Variants in WDR64 observed in about 807,000 individuals in gnomAD.
WDR64 encodes WD repeat-containing protein 64.
WDR64 carries 112 observed loss-of-function variants against 139.3 expected under a neutral mutation model. The observed-to-expected ratio is 0.80, with a 90% CI of 0.69 to 0.94. The LOEUF (loss-of-function observed/expected upper bound fraction) is 0.94. WDR64 is among the 40% of genes least tolerant of loss of function. The pLI is 0.00. For missense variants in WDR64, 1,206 were observed against 1,293.1 expected (o/e 0.93, Z 1.03); for synonymous variants, 444 against 437.7 (o/e 1.01, Z -0.18).
intron 21 of WDR64, 121 bp downstream of exon 21, chr1:241,775,331 C>T (rs1217563708): frequency 4.3e-6 from 3 of 694,618 alleles, no homozygotes; most frequent in Non-Finnish European, 6.9e-6. Context: ...GAGGTATGCT[C>T]AAGCCTGAGA....
chr1:241,687,597 T>C lies in WDR64; in HGVS notation c.974+2T>C. The C allele has an allele frequency of 6.2e-7, 1 of 1,610,572 alleles. No individual in the cohort carries two copies. Among genetic ancestry groups the C allele is most frequent in the South Asian group, 1.1e-5 (1 of 90,824 alleles). On this transcript the variant is annotated splice_donor_variant, in intron 8 of 27. Coordinates refer to ENST00000437684, the MANE Select transcript of WDR64 (RefSeq NM_001367482.1). LOFTEE classifies it high-confidence loss of function. ...CTTGAAGAGACTCGAGGATAATTTG[T>C]AAGTATAGTAATTTATATACATGAA...
chr1:241,776,678 A>T (rs149077546), intron 21 of WDR64, among the ~76,000 whole-genome samples: 3 of 152,218 alleles, frequency 2.0e-5, no homozygotes, highest in Non-Finnish European at 4.4e-5. Flanking sequence ...AGTTAAGATC[A>T]GTCAAATTTT....
chr1:241,736,393 T>C lies in WDR64; in HGVS notation c.1195-1970T>C, dbSNP rs534164594. Among the ~76,000 whole-genome samples the C allele has an allele frequency of 7.7e-4, 114 of 148,018 alleles. 1 individual carries two copies. The highest frequency in any genetic ancestry group is 7.4e-4 in the Non-Finnish European group (50 of 67,574). On this transcript the variant is annotated intron_variant, in intron 10 of 27. Coordinates refer to ENST00000437684, the MANE Select transcript of WDR64 (RefSeq NM_001367482.1). ...TAGCACTATTCTGACCTGAACTCTT[T>C]AGTTCTCTTTATGGAAGAGTTTAAA...
At chr1:241,708,717 T>TTTTTTTTTTTG (rs1668056133) in intron 8 of WDR64, among the ~76,000 whole-genome samples, 1 of 144,236 alleles carries the variant, frequency 6.9e-6, no homozygotes. Context: ...TTTTTGTTTT[T>TTTTTTTTTTTG]TTTTTTAAGG....
At chr1:241,774,736 C>T (rs1658582343) in intron 20 of WDR64, among the ~76,000 whole-genome samples, 1 of 151,742 alleles carries the variant, frequency 6.6e-6, no homozygotes, top group Non-Finnish European at 1.5e-5. Context: ...TATGTCAATG[C>T]CTGTTTGAGT....
intron 13 of WDR64, 150 bp downstream of exon 13, chr1:241,744,666 G>C: frequency 1.0e-6 from 1 of 969,758 alleles, no homozygotes; most frequent in Middle Eastern, 2.2e-4. Context: ...TGGGTGAATA[G>C]TGGTAGAGTC....
intron 1 of WDR64, among the ~76,000 whole-genome samples, chr1:241,655,036 C>A (rs1558455582): frequency 1.3e-5 from 2 of 152,140 alleles, no homozygotes; most frequent in South Asian, 4.1e-4. Flanking sequence ...ACTCTGTAAC[C>A]TTTCACTATG....
Position 241,772,920 on chromosome 1 carries a change from T to G in WDR64, c.2419T>G (p.Trp807Gly). ...TCATGAGGATGGACACCTCCGCTTG[T>G]GGACTCTGGAGGTAATGGAACCCAG... ...TAHEDGHLRL[W>G]TLEGRLLKDM... Residue 807 changes from tryptophan to glycine, a missense_variant, in exon 20 of 28, where the codon TGG (tryptophan) becomes GGG (glycine). By Grantham distance (184) the Trp-to-Gly change is radical. Transcript: ENST00000437684. 1 of 1,550,898 alleles carries G rather than the reference T, an allele frequency of 6.4e-7. No individual in the cohort carries two copies. The highest frequency in any genetic ancestry group is 8.7e-7 in the Non-Finnish European group (1 of 1,146,558).
Position 241,687,497 on chromosome 1 carries a change from A to C in WDR64, c.876A>C (p.Lys292Asn). 1 of 1,613,980 alleles carries C rather than the reference A, an allele frequency of 6.2e-7. No homozygotes were observed. Among genetic ancestry groups the C allele is most frequent in the Non-Finnish European group, 8.5e-7 (1 of 1,179,954 alleles). Reference protein sequence around the residue: ...KRKLHNDWVMKIRYISALNCF... With the variant: ...KRKLHNDWVMNIRYISALNCF... ...AGCTACATAATGACTGGGTTATGAAAATTAGATATATTTCAGCCCTAAATT... is the reference window on the plus strand; with the variant it reads ...AGCTACATAATGACTGGGTTATGAACATTAGATATATTTCAGCCCTAAATT... Residue 292 changes from lysine (K) to asparagine (N), a missense_variant, in exon 8 of 28, where the codon AAA (lysine) becomes AAC (asparagine). By Grantham distance (94) the Lys-to-Asn change is moderately conservative. Transcript: ENST00000437684.
rs181332707 is a variant in WDR64 at position 241,723,447 on chromosome 1, G to T, written c.1194+11G>T. On this transcript the variant is annotated intron_variant, in intron 10 of 27. Transcript: ENST00000437684. ...CTTTCCTCTGCAAAGGTAACAAAAA[G>T]AAAATAACAAAACAAAACTAGTTTT... The T allele has an allele frequency of 1.2e-6, 2 of 1,611,548 alleles. No individual in the cohort carries two copies. Among genetic ancestry groups the T allele is most frequent in the Admixed American group, 3.4e-5 (2 of 59,574 alleles).
chr1:241,678,627 T>A (rs370924151), intron 5 of WDR64, among the ~76,000 whole-genome samples: 2 of 152,100 alleles, frequency 1.3e-5, no homozygotes, highest in Admixed American at 1.3e-4. Flanking sequence ...GAGTACAATT[T>A]TGTGATTTAT....
intron 13 of WDR64, among the ~76,000 whole-genome samples, chr1:241,749,156 G>A (rs535771185): frequency 4.6e-5 from 7 of 152,252 alleles, no homozygotes; most frequent in African/African-American, 1.7e-4. Flanking sequence ...TTACTGGAAT[G>A]ATCTTTCACT....
chr1:241,656,059 C>T lies in WDR64; in HGVS notation c.145+3430C>T, dbSNP rs1403254140. The stretch of plus-strand genomic sequence containing the variant: ...TAAGAAACTTGCAATCACAAAGCCA[C>T]ACTGAAAATTTCCTTTCTCTATAGT... On this transcript the variant is annotated intron_variant, in intron 1 of 27. Transcript: ENST00000437684. This position sits in a 1 kb window ranked among gnomAD's most constrained non-coding sequence, Gnocchi z 4.3. Among the ~76,000 whole-genome samples the T allele has an allele frequency of 6.6e-6, 1 of 152,184 alleles. No homozygotes were observed. Among genetic ancestry groups the T allele is most frequent in the African/African-American group, 2.4e-5 (1 of 41,436 alleles).
chr1:241,741,300 T>A (rs1292390676), intron 11 of WDR64, among the ~76,000 whole-genome samples: 1 of 152,208 alleles, frequency 6.6e-6, no homozygotes, highest in African/African-American at 2.4e-5. Flanking sequence ...CAGTCCAAAA[T>A]GAATGCTTTT....
intron 10 of WDR64, among the ~76,000 whole-genome samples, chr1:241,726,469 C>T (rs1668844110): frequency 6.6e-6 from 1 of 151,952 alleles, no homozygotes; most frequent in Non-Finnish European, 1.5e-5. Context: ...CAGAACCTTA[C>T]ACTAAAAGCG....
At chr1:241,742,697 T>C (rs1166816291) in intron 12 of WDR64, among the ~76,000 whole-genome samples, 1 of 152,192 alleles carries the variant, frequency 6.6e-6, no homozygotes, top group Non-Finnish European at 1.5e-5. Flanking sequence ...TTTGTTCCTT[T>C]CCTTTCTTCA....
rs542509701 is a variant in WDR64 at position 241,687,884 on chromosome 1, T to C, written c.974+289T>C. On this transcript the variant is annotated intron_variant, in intron 8 of 27. Transcript: ENST00000437684. The stretch of plus-strand genomic sequence containing the variant: ...TCTATAACATATTTCAAAATATAGT[T>C]CTGTTGGTAAAATTTTATAATTTTA... 2.6e-5 allele frequency among the ~76,000 whole-genome samples: 4 copies of C among 152,334 alleles called. 1 individual carries two copies. In the South Asian group the frequency reaches 8.3e-4, roughly 32 times the overall value.
Position 241,687,454 on chromosome 1 carries a change from T to C in WDR64, c.840-7T>C, listed in dbSNP as rs1667050543. On this transcript the variant is annotated splice_polypyrimidine_tract_variant and splice_region_variant and intron_variant, in intron 7 of 27. Transcript: ENST00000437684. ...ATAAATCTCCCCTGCCTTTTCTTAATCCCCAGTGTTAAAAGGAAGCTACAT... is the reference window on the plus strand; with the variant it reads ...ATAAATCTCCCCTGCCTTTTCTTAACCCCCAGTGTTAAAAGGAAGCTACAT... 1 of 1,613,256 alleles carries C rather than the reference T, an allele frequency of 6.2e-7. No homozygotes were observed. The highest frequency in any genetic ancestry group is 8.5e-7 in the Non-Finnish European group (1 of 1,179,798).
chr1:241,719,905 C>T (rs1668543461), intron 9 of WDR64, among the ~76,000 whole-genome samples: 1 of 152,074 alleles, frequency 6.6e-6, no homozygotes, highest in African/African-American at 2.4e-5. Flanking sequence ...ATCAACCTAT[C>T]ACCTGGATAT....
Sources: gnomAD v4.1 joint callset for allele counts (sites outside exome capture counted in the v4.1 genomes callset) on GRCh38, gnomAD v4.1.1 for gene constraint, Gnocchi (gnomAD v3.1) non-coding constraint, MANE v1.5 for transcripts, NCBI Gene and HGNC (gene_info 2026-07-23, HGNC 2026-07-21) for gene names.